CRYGN: variants seen among roughly 807,000 people sequenced by gnomAD.
CRYGN encodes the protein gamma-crystallin N.
In CRYGN, 17 loss-of-function variants were observed where a neutral mutation model predicts 19.2. The ratio of observed to expected loss-of-function variants is 0.89; its 90% CI spans 0.61 to 1.33. CRYGN has a LOEUF of 1.33. Ranked by LOEUF, CRYGN falls within the 40% of genes most tolerant of loss-of-function variation. The probability of loss-of-function intolerance (pLI) is 0.00; values close to 1 mark genes in which losing one functional copy is unlikely to be tolerated. For synonymous variants in CRYGN, 84 were observed against 85.8 expected, an observed-to-expected ratio of 0.98 and a Z score of 0.12; for missense variants, 239 against 239.6, an observed-to-expected ratio of 1.00 and a Z score of 0.02.
chr7:151,432,769 A>T (rs1383062108), intron 3 of CRYGN, among the ~76,000 whole-genome samples: 1 of 152,176 alleles, frequency 6.6e-6, no homozygotes, highest in African/African-American at 2.4e-5. Context: ...GCGCCACTGC[A>T]TTTCAGCCAT....
In CRYGN at chr7:151,439,941, G is replaced by C. The variant is rs1366599321; in HGVS notation, c.-24C>G. On this transcript the variant is annotated 5_prime_UTR_variant, in exon 1 of 4. Coordinates refer to ENST00000337323, the MANE Select transcript of CRYGN (RefSeq NM_144727.3). ...ATGGTGCGCCCCGCCCCTTCCGCGG[G>C]TCCCCGTTTACACCGGGCAGCGCCC... 1 of 1,530,252 alleles carries C rather than the reference G, an allele frequency of 6.5e-7. No individual in the cohort carries two copies. The highest frequency in any genetic ancestry group is 8.8e-7 in the Non-Finnish European group (1 of 1,139,288). 94.8% of individuals were successfully genotyped at this position (1,530,252 alleles called of 1,614,324 possible).
In CRYGN at chr7:151,431,505, C is replaced by T. The variant is rs1009422457; in HGVS notation, c.417-1325G>A. On this transcript the variant is annotated intron_variant, in intron 3 of 3. Coordinates refer to ENST00000337323, the MANE Select transcript of CRYGN (RefSeq NM_144727.3). The surrounding 1 kb of genome is among the most constrained non-coding windows in gnomAD (Gnocchi z 4.8). ...TGCACCAGCTGAAGACGCGAGCCGC[C>T]GGTTCTGGGTCTGCCAGCCCTACTG... Among the ~76,000 whole-genome samples the T allele has an allele frequency of 5.9e-5, 9 of 152,162 alleles. No individual in the cohort carries two copies. The highest frequency in any genetic ancestry group is 1.2e-4 in the Non-Finnish European group (8 of 68,006).
chr7:151,437,833 A>G, intron 2 of CRYGN, 163 bp downstream of exon 2: 2 of 1,494,576 alleles, frequency 1.3e-6, no homozygotes, highest in African/African-American at 2.8e-5. Context: ...CCCCCCACCT[A>G]CTCACCTCAT....
At position 151,436,354 on chromosome 7, in the gene CRYGN, G is replaced by C. The variant is rs778688539; in HGVS notation, c.271-29C>G. 1.1e-5 allele frequency: 16 copies of C among 1,495,200 alleles called. 1 individual carries two copies. In the South Asian group the frequency reaches 2.2e-4, roughly 20 times the overall value. 92.6% of individuals were successfully genotyped at this position (1,495,200 alleles called of 1,614,324 possible). ...CAAGACCAAGCAAAAAAGAAGGAAAGAAGGAGGTTGCTGTGAATTCCCCTC... is the reference window on the plus strand; with the variant it reads ...CAAGACCAAGCAAAAAAGAAGGAAACAAGGAGGTTGCTGTGAATTCCCCTC... On this transcript the variant is annotated intron_variant, in intron 2 of 3. Transcript: ENST00000337323. This position sits in a 1 kb window ranked among gnomAD's most constrained non-coding sequence, Gnocchi z 5.1.
Position 151,440,072 on chromosome 7 carries a change from G to C in CRYGN, c.-155C>G. 3.0e-5 allele frequency: 41 copies of C among 1,361,316 alleles called. No homozygotes were observed. Among genetic ancestry groups the C allele is most frequent in the Non-Finnish European group, 3.8e-5 (40 of 1,061,020 alleles). The allele number at this position is 1,361,316 out of a possible 1,614,324, so 84.3% of individuals were successfully genotyped here. ...AGGGGCCACCAGGCGGTTGGGACCC[G>C]CCGCGGCCACCCTGTGCCACCGCGA... On this transcript the variant is annotated 5_prime_UTR_variant, in exon 1 of 4. Coordinates refer to ENST00000337323, the MANE Select transcript of CRYGN (RefSeq NM_144727.3).
intron 2 of CRYGN, 45 bp downstream of exon 2, chr7:151,437,951 C>T (rs1563082291): frequency 6.2e-7 from 1 of 1,606,624 alleles, no homozygotes; most frequent in Non-Finnish European, 8.5e-7. Context: ...GACCCTCGGT[C>T]CCTCCAGCAG....
chr7:151,434,841 A>G (rs1268947913), intron 3 of CRYGN, among the ~76,000 whole-genome samples: 1 of 152,226 alleles, frequency 6.6e-6, no homozygotes, highest in Non-Finnish European at 1.5e-5. Context: ...CCTGCCATAC[A>G]TTGTTTCACT....
chr7:151,432,191 C>T (rs527315716), intron 3 of CRYGN: 18 of 1,231,942 alleles, frequency 1.5e-5, no homozygotes, highest in East Asian at 6.3e-5. Flanking sequence ...TGCACTCGTG[C>T]GCTGTGGGCC....
At position 151,435,051 on chromosome 7, in the gene CRYGN, A is replaced by G. The variant is rs988710845; in HGVS notation, c.416+1129T>C. On this transcript the variant is annotated intron_variant, in intron 3 of 3. Coordinates refer to ENST00000337323, the MANE Select transcript of CRYGN (RefSeq NM_144727.3). The surrounding 1 kb of genome is among the most constrained non-coding windows in gnomAD (Gnocchi z 4.2). Reference sequence around the variant, plus strand: ...TATTTTCGCTGTGCGGTTGGAGCCCATGGACATGGGGTACCACCTGTGCCC... The same window carrying G: ...TATTTTCGCTGTGCGGTTGGAGCCCGTGGACATGGGGTACCACCTGTGCCC... Among the ~76,000 whole-genome samples the G allele has an allele frequency of 6.6e-6, 1 of 152,262 alleles. No individual in the cohort carries two copies. Among genetic ancestry groups the G allele is most frequent in the Non-Finnish European group, 1.5e-5 (1 of 68,048 alleles).
upstream of CRYGN, chr7:151,440,142 A>C: frequency 7.6e-7 from 1 of 1,319,794 alleles, no homozygotes; most frequent in Non-Finnish European, 9.7e-7. Context: ...CTCCGCGTTT[A>C]GCTCCCGAGC....
chr7:151,436,148 C>T lies in CRYGN; in HGVS notation c.416+32G>A. On this transcript the variant is annotated intron_variant, in intron 3 of 3. Transcript: ENST00000337323. This position sits in a 1 kb window ranked among gnomAD's most constrained non-coding sequence, Gnocchi z 5.1. ...CCTGGTGCTGAAGGGCCTAGCCGGG[C>T]CTCGGGGTGCGGCCACGTGGCCTGT... The T allele has an allele frequency of 1.4e-6, 2 of 1,393,144 alleles. No individual in the cohort carries two copies. Among genetic ancestry groups the T allele is most frequent in the South Asian group, 3.6e-5 (2 of 55,158 alleles). 86.3% of individuals were successfully genotyped at this position (1,393,144 alleles called of 1,614,324 possible).
In CRYGN at chr7:151,436,080, C is replaced by G; in HGVS notation, c.416+100G>C. On this transcript the variant is annotated intron_variant, in intron 3 of 3. Coordinates refer to ENST00000337323, the MANE Select transcript of CRYGN (RefSeq NM_144727.3). This position sits in a 1 kb window ranked among gnomAD's most constrained non-coding sequence, Gnocchi z 5.1. ...GCTGCCCACTGCTGGAGGTCTCATT[C>G]CCACCCCACCCACCACCCCTGTGTG... 1.0e-6 allele frequency: 1 copy of G among 994,248 alleles called. No individual in the cohort carries two copies. Among genetic ancestry groups the G allele is most frequent in the South Asian group, 3.5e-5 (1 of 28,680 alleles). The allele number at this position is 994,248 out of a possible 1,614,324, so 61.6% of individuals were successfully genotyped here.
chr7:151,436,372 T>C lies in CRYGN; in HGVS notation c.271-47A>G, dbSNP rs746967439. The C allele has an allele frequency of 1.4e-6, 2 of 1,459,846 alleles. No homozygotes were observed. Among genetic ancestry groups the C allele is most frequent in the South Asian group, 2.9e-5 (2 of 68,128 alleles). The allele number at this position is 1,459,846 out of a possible 1,614,324, so 90.4% of individuals were successfully genotyped here. On this transcript the variant is annotated intron_variant, in intron 2 of 3. Coordinates refer to ENST00000337323, the MANE Select transcript of CRYGN (RefSeq NM_144727.3). This position sits in a 1 kb window ranked among gnomAD's most constrained non-coding sequence, Gnocchi z 5.1. ...AAGGAAAGAAGGAGGTTGCTGTGAA[T>C]TCCCCTCTCCCAGAAACAGAAGCCC...
In CRYGN at chr7:151,431,177, T is replaced by C. The variant is rs766629153; in HGVS notation, c.417-997A>G. Among the ~76,000 whole-genome samples, 4 of 152,006 alleles carry C rather than the reference T, an allele frequency of 2.6e-5. No homozygotes were observed. The highest frequency in any genetic ancestry group is 5.9e-5 in the Non-Finnish European group (4 of 67,978). On this transcript the variant is annotated intron_variant, in intron 3 of 3. Transcript: ENST00000337323. The surrounding 1 kb of genome is among the most constrained non-coding windows in gnomAD (Gnocchi z 4.8). ...CTGGAGGGCTGCCGGCAGCAGGGAG[T>C]TACCTGGGCCACCCCCAGGGACCAG... is the stretch of plus-strand genomic sequence containing the variant.
intron 2 of CRYGN, among the ~76,000 whole-genome samples, chr7:151,437,200 GCCCCTTTA>G (rs1029256301): frequency 1.3e-5 from 2 of 152,284 alleles, no homozygotes; most frequent in Admixed American, 1.3e-4. Flanking sequence ...CCACACAAAG[GCCCCTTTA>G]CTGGGGTTCC....
At position 151,436,413 on chromosome 7, in the gene CRYGN, T is replaced by C; in HGVS notation, c.271-88A>G. ...ACAGAAGCCCCATGCAGGAAGGAAT[T>C]AGGAGGTACCCAAGGCACTGGGCAC... On this transcript the variant is annotated intron_variant, in intron 2 of 3. Transcript: ENST00000337323. This position sits in a 1 kb window ranked among gnomAD's most constrained non-coding sequence, Gnocchi z 5.1. 7.5e-7 allele frequency: 1 copy of C among 1,333,450 alleles called. No homozygotes were observed. The highest frequency in any genetic ancestry group is 1.0e-6 in the Non-Finnish European group (1 of 1,000,270). 82.6% of individuals were successfully genotyped at this position (1,333,450 alleles called of 1,614,324 possible).
intron 2 of CRYGN, among the ~76,000 whole-genome samples, chr7:151,437,326 C>T (rs1028436923): frequency 3.9e-5 from 6 of 152,146 alleles, no homozygotes; most frequent in Non-Finnish European, 8.8e-5. Flanking sequence ...CTCAGGAGTC[C>T]GCCACTCCCC....
intron 1 of CRYGN, 125 bp from the exon 2 acceptor site, chr7:151,438,369 G>T: frequency 1.1e-6 from 1 of 929,924 alleles, no homozygotes; most frequent in Non-Finnish European, 1.6e-6. Flanking sequence ...GCCCAGACCT[G>T]CTGCACACAG....
At position 151,429,997 on chromosome 7, in the gene CRYGN, TCCCGGCTCAGAAACGGTG is replaced by T. The variant is rs1563078669; in HGVS notation, c.*33_*50del. 3.7e-6 allele frequency: 3 copies of T among 804,514 alleles called. No individual in the cohort carries two copies. Among genetic ancestry groups the T allele is most frequent in the Admixed American group, 1.7e-5 (1 of 58,920 alleles). The allele number at this position is 804,514 out of a possible 1,614,324, so 49.8% of individuals were successfully genotyped here. A position where few individuals can be genotyped will look rare whatever the true frequency, so the allele number is the denominator to read the frequency against. On this transcript the variant is annotated 3_prime_UTR_variant, in exon 4 of 4. Coordinates refer to ENST00000337323, the MANE Select transcript of CRYGN (RefSeq NM_144727.3). ...AGGGCATGATTTTAAGTAAACACTCTCCCGGCTCAGAAACGGTGCAGGTGCATTTACATGTCAATCGGT... is the reference window on the plus strand; with the variant it reads ...AGGGCATGATTTTAAGTAAACACTCTCAGGTGCATTTACATGTCAATCGGT...
Sources: gnomAD v4.1 joint callset for allele counts (sites outside exome capture counted in the v4.1 genomes callset) on GRCh38, gnomAD v4.1.1 for gene constraint, Gnocchi (gnomAD v3.1) non-coding constraint, MANE v1.5 for transcripts, NCBI Gene and HGNC (gene_info 2026-07-23, HGNC 2026-07-21) for gene names.